Variants in PKHD1 observed in about 807,000 individuals in gnomAD.
PKHD1 encodes the protein fibrocystin.
A neutral mutation model predicts 412.0 loss-of-function variants in PKHD1; 291 were observed. The observed-to-expected ratio is 0.71, with a 90% CI of 0.64 to 0.78. PKHD1 has a LOEUF of 0.78. Among genes scored for constraint, PKHD1 ranks in the 30% least tolerant of loss-of-function variants. PKHD1 has a pLI of 0.00. For synonymous variants in PKHD1, 1,777 were observed against 1,821.5 expected (o/e 0.98, Z 0.62); for missense variants, 4,825 against 4,950.7 (o/e 0.97, Z 0.76).
At chr6:51,895,655 C>A (rs946503008) in intron 43 of PKHD1, among the ~76,000 whole-genome samples, 8 of 152,072 alleles carry the variant, frequency 5.3e-5, no homozygotes, top group African/African-American at 1.9e-4. Flanking sequence ...TTTAAGGTCA[C>A]CGGAGGAGCC....
At chr6:51,961,558 G>A (rs1792034463) in intron 35 of PKHD1, among the ~76,000 whole-genome samples, 1 of 152,014 alleles carries the variant, frequency 6.6e-6, no homozygotes, top group East Asian at 1.9e-4. Context: ...TATAGGACTA[G>A]CTTTAGGTTG....
intron 61 of PKHD1, among the ~76,000 whole-genome samples, chr6:51,657,431 C>A (rs1335492868): frequency 2.6e-5 from 4 of 152,078 alleles, no homozygotes; most frequent in African/African-American, 9.7e-5. Context: ...TAAGAAGCAG[C>A]CCTTCTTTAT....
intron 20 of PKHD1, 62 bp from the exon 21 acceptor site, chr6:52,053,313 G>C (rs548177726): frequency 7.2e-5 from 112 of 1,556,746 alleles, no homozygotes; most frequent in Non-Finnish European, 9.3e-5. Flanking sequence ...TCTCCGGTTA[G>C]AGCCCTTGTT....
In PKHD1 at chr6:51,618,913, G is replaced by T; in HGVS notation, c.*168C>A. ...ATATGTATGAGACATTTTTCAGTCT[G>T]TAAGCATTTATATGACTGTTTTCCA... On this transcript the variant is annotated 3_prime_UTR_variant, in exon 67 of 67. Coordinates refer to ENST00000371117, the MANE Select transcript of PKHD1 (RefSeq NM_138694.4). The T allele has an allele frequency of 1.5e-6, 1 of 684,006 alleles. No homozygotes were observed. The highest frequency in any genetic ancestry group is 2.3e-5 in the Admixed American group (1 of 43,564). 42.4% of individuals were successfully genotyped at this position (684,006 alleles called of 1,614,324 possible). A position where few individuals can be genotyped will look rare whatever the true frequency, so the allele number is the denominator to read the frequency against.
At chr6:51,640,345 C>T (rs1412262670) in intron 63 of PKHD1, among the ~76,000 whole-genome samples, 5 of 152,098 alleles carry the variant, frequency 3.3e-5, no homozygotes, top group Non-Finnish European at 7.4e-5. Flanking sequence ...TTTGCTTTTG[C>T]GTTAAATACC....
In PKHD1 at chr6:52,059,259, C is replaced by CTTTTTTTTT. The variant is rs55992586; in HGVS notation, c.1233+660_1234-659dup. Among the ~76,000 whole-genome samples the CTTTTTTTTT allele has an allele frequency of 1.1e-3, 88 of 83,524 alleles. 3 individuals carry two copies. Among genetic ancestry groups the CTTTTTTTTT allele is most frequent in the African/African-American group, 2.4e-3 (47 of 19,186 alleles). The allele number at this position is 83,524 out of a possible 152,430, so 54.8% of individuals were successfully genotyped here. A position where few individuals can be genotyped will look rare whatever the true frequency, so the allele number is the denominator to read the frequency against. ...CTTTCTTTTTTTTCTTTTTCTTTTT[C>CTTTTTTTTT]TTTTTTTTTTTTTTTTTTTTTTTTG... On this transcript the variant is annotated intron_variant, in intron 15 of 66. Coordinates refer to ENST00000371117, the MANE Select transcript of PKHD1 (RefSeq NM_138694.4).
At chr6:51,913,188 T>C (rs573713460) in intron 37 of PKHD1, among the ~76,000 whole-genome samples, 42 of 152,188 alleles carry the variant, frequency 2.8e-4, no homozygotes, top group African/African-American at 1.0e-3. Context: ...ATTTCCAATA[T>C]GAAGACTTCA....
Position 51,615,384 on chromosome 6 carries a change from C to T in PKHD1, c.*3697G>A, listed in dbSNP as rs779103157. On this transcript the variant is annotated 3_prime_UTR_variant, in exon 67 of 67. Coordinates refer to ENST00000371117, the MANE Select transcript of PKHD1 (RefSeq NM_138694.4). ...ATGTTTTATTTCTTTTTGAAAATTACCTTGTAGAAATGTGACTTTTCTATC... is the reference window on the plus strand; with the variant it reads ...ATGTTTTATTTCTTTTTGAAAATTATCTTGTAGAAATGTGACTTTTCTATC... The T allele has an allele frequency of 7.9e-5, 12 of 152,112 alleles. No individual in the cohort carries two copies. The highest frequency in any genetic ancestry group is 1.6e-4 in the Non-Finnish European group (11 of 68,002). The allele number at this position is 152,112 out of a possible 1,614,324, so 9.4% of individuals were successfully genotyped here. A position where few individuals can be genotyped will look rare whatever the true frequency, so the allele number is the denominator to read the frequency against.
chr6:52,021,051 A>G (rs1801324542), intron 33 of PKHD1, among the ~76,000 whole-genome samples: 1 of 152,202 alleles, frequency 6.6e-6, no homozygotes, highest in African/African-American at 2.4e-5. Flanking sequence ...CTCAATCTTT[A>G]GACATTGTGA....
intron 52 of PKHD1, among the ~76,000 whole-genome samples, chr6:51,828,021 G>A (rs1311300744): frequency 6.6e-6 from 1 of 152,038 alleles, no homozygotes; most frequent in Non-Finnish European, 1.5e-5. Context: ...ACCTCAAGCA[G>A]TGTATCTGAC....
intron 43 of PKHD1, 53 bp from the exon 44 acceptor site, chr6:51,887,298 G>T: frequency 8.6e-7 from 1 of 1,157,064 alleles, no homozygotes; most frequent in Non-Finnish European, 1.3e-6. Context: ...TGATAAGGTT[G>T]CTGGAAAGAA....
chr6:51,982,197 C>CA (rs1583697657), intron 35 of PKHD1, among the ~76,000 whole-genome samples: 1 of 32,614 alleles, frequency 3.1e-5, no homozygotes, highest in Non-Finnish European at 7.1e-5. Flanking sequence ...GGGGGGTCAG[C>CA]CCCCCGCCCG....
intron 60 of PKHD1, among the ~76,000 whole-genome samples, chr6:51,694,673 G>C (rs1482758486): frequency 6.8e-6 from 1 of 147,364 alleles, no homozygotes; most frequent in African/African-American, 2.5e-5. Context: ...AGAATTACAG[G>C]CATGAGCCAC....
intron 38 of PKHD1, 67 bp downstream of exon 38, chr6:51,912,299 C>T: frequency 1.0e-6 from 1 of 985,318 alleles, no homozygotes. Context: ...ATACAAATGT[C>T]CAGACCCCAA....
intron 33 of PKHD1, among the ~76,000 whole-genome samples, chr6:52,020,335 T>C (rs1003180944): frequency 5.3e-5 from 8 of 152,176 alleles, no homozygotes; most frequent in Non-Finnish European, 1.5e-5. Context: ...GCAGTATAAT[T>C]GTACAAACAA....
At chr6:51,790,071 G>A (rs529587080) in intron 53 of PKHD1, among the ~76,000 whole-genome samples, 1 of 152,220 alleles carries the variant, frequency 6.6e-6, no homozygotes, top group Non-Finnish European at 1.5e-5. Context: ...CCTTTGTTCA[G>A]GTAATTAGAC....
In PKHD1 at chr6:52,043,695, G is replaced by A. The variant is rs1171264633; in HGVS notation, c.2751C>T (p.Cys917=). The change falls in exon 26 of 67, where the codon TGC becomes TGT. Residue 917 remains cysteine (C), a synonymous_variant. Coordinates refer to ENST00000371117, the MANE Select transcript of PKHD1 (RefSeq NM_138694.4). ...VVRVNDVPAH[C]PGSCSFQYLQ... ...GGTACTGGAAAGAGCAGGAACCTGGGCAATGAGCTGGTACATCATTCACTC... is the reference window on the plus strand; with the variant it reads ...GGTACTGGAAAGAGCAGGAACCTGGACAATGAGCTGGTACATCATTCACTC... The A allele has an allele frequency of 1.2e-6, 2 of 1,613,544 alleles. No homozygotes were observed. Among genetic ancestry groups the A allele is most frequent in the Admixed American group, 1.7e-5 (1 of 59,998 alleles).
intron 55 of PKHD1, among the ~76,000 whole-genome samples, chr6:51,763,099 G>C (rs1014509475): frequency 2.0e-5 from 3 of 151,958 alleles, no homozygotes; most frequent in Admixed American, 6.6e-5. Flanking sequence ...TTTAATATTT[G>C]TAATATGTAG....
rs895296852 is a variant in PKHD1, at chr6:52,028,220, G to A, written c.3496C>T (p.Pro1166Ser). 4 of 1,614,182 alleles carry A rather than the reference G, an allele frequency of 2.5e-6. No individual in the cohort carries two copies. Among genetic ancestry groups the A allele is most frequent in the African/African-American group, 1.3e-5 (1 of 75,030 alleles). Reference protein sequence around the residue: ...SAWGLEVALPPLPAGLHRISV... With the variant: ...SAWGLEVALPSLPAGLHRISV... ...ATTCTGTGGAGACCAGCTGGCAGTG[G>A]GGGCAGTGCCACCTCCAGGCCCCAA... The change falls in exon 30 of 67, where the codon CCA (proline) becomes TCA (serine). Residue 1166 changes from proline to serine, a missense_variant. Transcript: ENST00000371117.
Sources: allele counts gnomAD v4.1 joint callset (sites outside exome capture counted in the v4.1 genomes callset), GRCh38; gene constraint gnomAD v4.1.1; transcripts MANE v1.5; gene names NCBI Gene and HGNC (gene_info 2026-07-23, HGNC 2026-07-21).